Variants in DCBLD2 observed in about 807,000 individuals in gnomAD.
DCBLD2 encodes discoidin, CUB and LCCL domain containing 2.
In DCBLD2, 54 loss-of-function variants were observed where a neutral mutation model predicts 86.8. The observed-to-expected ratio is 0.62, with a 90% CI of 0.50 to 0.78. The LOEUF (loss-of-function observed/expected upper bound fraction) is 0.78, where lower values mean the gene tolerates loss of function less well. DCBLD2 is among the 30% of genes least tolerant of loss of function. The pLI is 0.00. For missense variants in DCBLD2, 908 were observed against 954.2 expected (o/e 0.95, Z 0.64); for synonymous variants, 354 against 341.3 (o/e 1.04, Z -0.41).
chr3:98,859,315 CAA>C (rs1045784295), intron 2 of DCBLD2, among the ~76,000 whole-genome samples: 1 of 152,174 alleles, frequency 6.6e-6, no homozygotes, highest in African/African-American at 2.4e-5. Context: ...CATAGCCAAA[CAA>C]AAGTCAGCAA....
At chr3:98,811,058 A>AT in intron 12 of DCBLD2, 136 bp downstream of exon 12, 3 of 1,002,350 alleles carry the variant, frequency 3.0e-6, no homozygotes, top group Non-Finnish European at 4.1e-6. Context: ...ATGAAAGAAA[A>AT]TAAATTTTTT....
At chr3:98,811,649 T>C in intron 10 of DCBLD2, 95 bp from the exon 11 acceptor site, 3 of 1,148,954 alleles carry the variant, frequency 2.6e-6, no homozygotes, top group Non-Finnish European at 3.6e-6. Context: ...TCCTAAAGTA[T>C]TTAATTCTGC....
intron 2 of DCBLD2, among the ~76,000 whole-genome samples, chr3:98,875,093 T>C (rs766854616): frequency 5.3e-5 from 8 of 151,998 alleles, no homozygotes; most frequent in Non-Finnish European, 8.8e-5. Flanking sequence ...GAATCAACCA[T>C]AGGCATAAGA....
chr3:98,874,956 C>T lies in DCBLD2; in HGVS notation c.433+6584G>A, dbSNP rs112716456. 1.4e-3 allele frequency among the ~76,000 whole-genome samples: 206 copies of T among 152,222 alleles called. 1 individual carries two copies. The East Asian group carries it at 0.016, about 12-fold the overall frequency. ...GCCACTCGGTCTATAGATTTTGTTA[C>T]GGCAACCTGAGCTCAGACACTTTAA... On this transcript the variant is annotated intron_variant, in intron 2 of 15. Coordinates refer to ENST00000326840, the MANE Select transcript of DCBLD2 (RefSeq NM_080927.4).
chr3:98,820,304 G>T lies in DCBLD2; in HGVS notation c.831-16C>A. ...TAAGTGTCCCCTGAAAGAGAGAAGG[G>T]TTTTTTTTGGTGATACTCACATAAC... On this transcript the variant is annotated splice_polypyrimidine_tract_variant and intron_variant, in intron 6 of 15. Transcript: ENST00000326840. 6.9e-7 allele frequency: 1 copy of T among 1,450,302 alleles called. No individual in the cohort carries two copies. The highest frequency in any genetic ancestry group is 2.6e-5 in the East Asian group (1 of 39,192). 89.8% of individuals were successfully genotyped at this position (1,450,302 alleles called of 1,614,324 possible).
At chr3:98,850,193 A>C (rs892737245) in intron 2 of DCBLD2, among the ~76,000 whole-genome samples, 14 of 152,252 alleles carry the variant, frequency 9.2e-5, no homozygotes, top group South Asian at 4.1e-4. Flanking sequence ...TGTGTGCCTA[A>C]ATTTCATCCT....
At chr3:98,862,431 G>A (rs1265747398) in intron 2 of DCBLD2, among the ~76,000 whole-genome samples, 2 of 152,166 alleles carry the variant, frequency 1.3e-5, no homozygotes, top group Non-Finnish European at 2.9e-5. Context: ...GAGAATTTTA[G>A]ACCAATATCC....
chr3:98,813,227 T>C (rs1941969186), intron 9 of DCBLD2: 1 of 152,338 alleles, frequency 6.6e-6, no homozygotes, highest in South Asian at 2.1e-4. Flanking sequence ...TAGCTAGGAC[T>C]ACAGAGGCGC....
At chr3:98,860,479 G>A (rs1056285384) in intron 2 of DCBLD2, among the ~76,000 whole-genome samples, 9 of 152,186 alleles carry the variant, frequency 5.9e-5, no homozygotes, top group Non-Finnish European at 8.8e-5. Flanking sequence ...AGAGAGAAAG[G>A]TTGGGTTACC....
At chr3:98,895,549 A>G (rs1943738149) in intron 1 of DCBLD2, 1 of 152,212 alleles carries the variant, frequency 6.6e-6, no homozygotes. Context: ...CCTTGTGGAC[A>G]AGAAACCTAC....
intron 3 of DCBLD2, among the ~76,000 whole-genome samples, chr3:98,847,193 C>T (rs1242923040): frequency 6.6e-6 from 1 of 152,112 alleles, no homozygotes; most frequent in Non-Finnish European, 1.5e-5. Flanking sequence ...TATGTGTCTG[C>T]TATGTCATGA....
At chr3:98,820,036 A>G (rs989400168) in intron 7 of DCBLD2, among the ~76,000 whole-genome samples, 1 of 152,194 alleles carries the variant, frequency 6.6e-6, no homozygotes, top group African/African-American at 2.4e-5. Flanking sequence ...ATCTTTCTTA[A>G]GGAACCTTCC....
chr3:98,858,337 G>T (rs962320680), intron 2 of DCBLD2, among the ~76,000 whole-genome samples: 1 of 152,236 alleles, frequency 6.6e-6, no homozygotes, highest in African/African-American at 2.4e-5. Context: ...TGAGGGAGCC[G>T]GCTCCGGCCT....
Position 98,849,362 on chromosome 3 carries a change from T to A in DCBLD2, c.571+99A>T, listed in dbSNP as rs764679685. On this transcript the variant is annotated intron_variant, in intron 3 of 15. Transcript: ENST00000326840. ...GCTATTAATTGTTCAGTCTTTCTGC[T>A]CTATTCCAATTTCAGAAAACAGGTA... 1.2e-5 allele frequency: 18 copies of A among 1,450,174 alleles called. No individual in the cohort carries two copies. In the South Asian group the frequency reaches 1.9e-4, roughly 15 times the overall value. 89.8% of individuals were successfully genotyped at this position (1,450,174 alleles called of 1,614,324 possible). A position where few individuals can be genotyped will look rare whatever the true frequency, so the allele number is the denominator to read the frequency against.
intron 13 of DCBLD2, among the ~76,000 whole-genome samples, chr3:98,803,064 A>C (rs1268280525): frequency 6.6e-6 from 1 of 152,166 alleles, no homozygotes; most frequent in Admixed American, 6.5e-5. Context: ...ACTTTAAAGT[A>C]GTTTTTTCCA....
chr3:98,861,526 C>A (rs922256586), intron 2 of DCBLD2, among the ~76,000 whole-genome samples: 1 of 152,216 alleles, frequency 6.6e-6, no homozygotes, highest in African/African-American at 2.4e-5. Context: ...AACAAACTGT[C>A]TCTCAGACCA....
Position 98,866,169 on chromosome 3 carries a change from G to T in DCBLD2, c.433+15371C>A, listed in dbSNP as rs557373751. ...ATTGTGAATAGTGCCGCAATAAACAGACGTGTGCATGTGTCTTTATAGCAG... is the reference window on the plus strand; with the variant it reads ...ATTGTGAATAGTGCCGCAATAAACATACGTGTGCATGTGTCTTTATAGCAG... On this transcript the variant is annotated intron_variant, in intron 2 of 15. Transcript: ENST00000326840. Among the ~76,000 whole-genome samples the T allele has an allele frequency of 6.5e-4, 99 of 151,704 alleles. 1 individual carries two copies. The highest frequency in any genetic ancestry group is 1.3e-3 in the South Asian group (6 of 4,790).
At chr3:98,834,820 G>A (rs1478533934) in intron 3 of DCBLD2, among the ~76,000 whole-genome samples, 1 of 152,250 alleles carries the variant, frequency 6.6e-6, no homozygotes, top group African/African-American at 2.4e-5. Flanking sequence ...AAAGTTAAAA[G>A]CCTCCCCTCA....
chr3:98,867,629 A>T (rs375973727), intron 2 of DCBLD2, among the ~76,000 whole-genome samples: 18 of 152,332 alleles, frequency 1.2e-4, no homozygotes, highest in African/African-American at 4.3e-4. Context: ...TAGAAAACTA[A>T]TAGACTTTAA....
Sources: allele counts gnomAD v4.1 joint callset (sites outside exome capture counted in the v4.1 genomes callset), GRCh38; gene constraint gnomAD v4.1.1; transcripts MANE v1.5; gene names NCBI Gene and HGNC (gene_info 2026-07-23, HGNC 2026-07-21).